The following FOXN3 variants were observed in gnomAD, a reference collection of about 807,000 sequenced individuals.
The protein encoded by FOXN3 is forkhead box N3.
In FOXN3, 7 loss-of-function variants were observed where a neutral mutation model predicts 38.4. The observed-to-expected ratio is 0.18, with a 90% confidence interval of 0.10 to 0.34. The LOEUF (loss-of-function observed/expected upper bound fraction) is 0.34. Ranked by LOEUF, FOXN3 falls within the 10% of genes least tolerant of loss-of-function variation. The pLI, the probability that FOXN3 is intolerant of heterozygous loss-of-function variation, is 1.00. For missense variants in FOXN3, 456 were observed against 613.4 expected, an observed-to-expected ratio of 0.74 and a Z score of 2.71; for synonymous variants, 230 against 242.2, an observed-to-expected ratio of 0.95 and a Z score of 0.47.
Position 89,416,980 on chromosome 14 carries a change from C to A in FOXN3, c.-124G>T, listed in dbSNP as rs1312082420. 1 of 147,362 alleles carries A rather than the reference C, an allele frequency of 6.8e-6. No homozygotes were observed. The highest frequency in any genetic ancestry group is 1.5e-5 in the Non-Finnish European group (1 of 66,312). 9.1% of individuals were successfully genotyped at this position (147,362 alleles called of 1,614,324 possible). ...TCGCTCGGTGGCCCCGCTAAGGACG[C>A]GCGGGCGCGGCGCGGCGAGCCCGGG... is the stretch of plus-strand genomic sequence containing the variant. On this transcript the variant is annotated 5_prime_UTR_variant, in exon 1 of 6. Transcript: ENST00000557258.
intron 2 of FOXN3, among the ~76,000 whole-genome samples, chr14:89,396,299 G>C (rs1423636840): frequency 2.0e-5 from 3 of 152,180 alleles, no homozygotes; most frequent in African/African-American, 7.2e-5. Context: ...GTTAATCAGA[G>C]TCCTTGAAGA....
At chr14:89,341,228 T>C (rs1244275592) in intron 3 of FOXN3, among the ~76,000 whole-genome samples, 1 of 152,182 alleles carries the variant, frequency 6.6e-6, no homozygotes, top group Non-Finnish European at 1.5e-5. Flanking sequence ...AACTCTAGCA[T>C]TTACCCAGCT....
chr14:89,560,286 C>T (rs961634384), intron 1 of FOXN3, among the ~76,000 whole-genome samples: 1 of 152,156 alleles, frequency 6.6e-6, no homozygotes, highest in South Asian at 2.1e-4. Context: ...TACAGTTCAA[C>T]ATGACATTTG....
At chr14:89,197,940 A>G (rs1279552733) in intron 4 of FOXN3, among the ~76,000 whole-genome samples, 1 of 152,222 alleles carries the variant, frequency 6.6e-6, no homozygotes, top group African/African-American at 2.4e-5. Context: ...GCTTTGAAAT[A>G]TCTTTGTCCA....
At chr14:89,208,869 C>T (rs1026266812) in intron 4 of FOXN3, among the ~76,000 whole-genome samples, 10 of 152,164 alleles carry the variant, frequency 6.6e-5, no homozygotes, top group East Asian at 3.9e-4. Flanking sequence ...ACAATCTGCT[C>T]GACCCCTCCA....
At chr14:89,248,767 T>G (rs1380818460) in intron 4 of FOXN3, among the ~76,000 whole-genome samples, 1 of 152,228 alleles carries the variant, frequency 6.6e-6, no homozygotes, top group African/African-American at 2.4e-5. Flanking sequence ...AGGCAAAAAC[T>G]TCAATTAAGT....
chr14:89,399,562 C>A (rs1015927248), intron 2 of FOXN3, among the ~76,000 whole-genome samples: 1 of 152,184 alleles, frequency 6.6e-6, no homozygotes, highest in Admixed American at 6.5e-5. Flanking sequence ...GTCCTTGCAA[C>A]CAAATGTACC....
chr14:89,298,001 C>G lies in FOXN3; in HGVS notation c.681-16987G>C, dbSNP rs76836621. Among the ~76,000 whole-genome samples, 467 of 151,884 alleles carry G rather than the reference C, an allele frequency of 3.1e-3. 16 individuals are homozygous for G. The East Asian group carries it at 0.076, about 25-fold the overall frequency. Reference sequence around the variant, plus strand: ...ACATGTCTCTAAAAAAACAAAACAACAAGAAGAAAAGAGAAACATTATTCA... The same window carrying G: ...ACATGTCTCTAAAAAAACAAAACAAGAAGAAGAAAAGAGAAACATTATTCA... On this transcript the variant is annotated intron_variant, in intron 3 of 5. Coordinates refer to ENST00000557258, the MANE Select transcript of FOXN3 (RefSeq NM_005197.4).
At chr14:89,498,171 A>G (rs1350245071) in intron 1 of FOXN3, among the ~76,000 whole-genome samples, 3 of 137,968 alleles carry the variant, frequency 2.2e-5, no homozygotes, top group African/African-American at 8.5e-5. Context: ...TTGCAAGTAT[A>G]TTCTCCTATT....
chr14:89,501,351 A>G (rs1893795812), intron 1 of FOXN3, among the ~76,000 whole-genome samples: 1 of 152,198 alleles, frequency 6.6e-6, no homozygotes, highest in Non-Finnish European at 1.5e-5. Flanking sequence ...CTTCTCACAC[A>G]GCAGCTCACG....
intron 2 of FOXN3, among the ~76,000 whole-genome samples, chr14:89,408,356 C>A (rs1350345224): frequency 6.6e-6 from 1 of 151,878 alleles, no homozygotes; most frequent in Non-Finnish European, 1.5e-5. Flanking sequence ...CTCCCGGGCT[C>A]ACACCATCCT....
chr14:89,281,251 A>C (rs1165329724), intron 3 of FOXN3, among the ~76,000 whole-genome samples: 13 of 152,328 alleles, frequency 8.5e-5, no homozygotes, highest in Admixed American at 2.6e-4. Context: ...ACACCTGGGC[A>C]CTGGAATGAC....
chr14:89,205,487 C>T (rs1888356857), intron 4 of FOXN3, among the ~76,000 whole-genome samples: 1 of 152,250 alleles, frequency 6.6e-6, no homozygotes, highest in Non-Finnish European at 1.5e-5. Flanking sequence ...CACAAAAACC[C>T]AAGACCCTAG....
intron 4 of FOXN3, among the ~76,000 whole-genome samples, chr14:89,191,638 A>G (rs979971324): frequency 2.0e-5 from 3 of 151,848 alleles, no homozygotes; most frequent in Admixed American, 6.6e-5. Context: ...AAAAAAGTAC[A>G]TTTTTCATAC....
chr14:89,273,092 T>G (rs1322622901), intron 4 of FOXN3, among the ~76,000 whole-genome samples: 1 of 152,252 alleles, frequency 6.6e-6, no homozygotes, highest in Non-Finnish European at 1.5e-5. Context: ...ACTACATCTC[T>G]CACTGCTGTA....
At chr14:89,612,795 G>A (rs1896418764) in intron 1 of FOXN3, among the ~76,000 whole-genome samples, 1 of 151,752 alleles carries the variant, frequency 6.6e-6, no homozygotes, top group East Asian at 1.9e-4. Flanking sequence ...CTCCAGCCTG[G>A]GTGACAGAGT....
intron 2 of FOXN3, among the ~76,000 whole-genome samples, chr14:89,399,452 T>A (rs1891190386): frequency 6.6e-6 from 1 of 152,182 alleles, no homozygotes; most frequent in South Asian, 2.1e-4. Context: ...ACCTGAGATA[T>A]GCTTTGTTGC....
chr14:89,174,514 A>G (rs1321736058), intron 5 of FOXN3, among the ~76,000 whole-genome samples: 2 of 152,210 alleles, frequency 1.3e-5, no homozygotes, highest in East Asian at 3.8e-4. Flanking sequence ...ACTCTCCTCC[A>G]TGAATTGTTT....
At chr14:89,377,286 C>T (rs929638813) in intron 2 of FOXN3, among the ~76,000 whole-genome samples, 12 of 151,082 alleles carry the variant, frequency 7.9e-5, no homozygotes, top group Non-Finnish European at 1.3e-4. Context: ...AACAGCAGTG[C>T]CCACATCTTC....
Sources: allele counts gnomAD v4.1 joint callset (sites outside exome capture counted in the v4.1 genomes callset), GRCh38; gene constraint gnomAD v4.1.1; transcripts MANE v1.5; gene names NCBI Gene and HGNC (gene_info 2026-07-23, HGNC 2026-07-21).